PRRC2C: variants seen among roughly 807,000 people sequenced by gnomAD.
The protein encoded by PRRC2C is protein PRRC2C.
A neutral mutation model predicts 317.2 loss-of-function variants in PRRC2C; 72 were observed. That is an observed-to-expected ratio of 0.23 (90% CI 0.19 to 0.28). The LOEUF is 0.28. PRRC2C is among the 10% of genes least tolerant of loss of function. PRRC2C has a pLI of 1.00. For synonymous variants in PRRC2C, 1,296 were observed against 1,205.9 expected, an observed-to-expected ratio of 1.07 and a Z score of -1.55; for missense variants, 3,074 against 3,459.7, an observed-to-expected ratio of 0.89 and a Z score of 2.80.
At chr1:171,529,619 ATTGGAGTGG>A (rs1675391335) in intron 11 of PRRC2C, among the ~76,000 whole-genome samples, 3 of 152,134 alleles carry the variant, frequency 2.0e-5, no homozygotes, top group Admixed American at 2.0e-4. Flanking sequence ...CCTTTGAACT[ATTGGAGTGG>A]GTTCTTGACA....
chr1:171,494,595 A>C (rs747485209), intron 1 of PRRC2C, among the ~76,000 whole-genome samples: 1 of 152,160 alleles, frequency 6.6e-6, no homozygotes, highest in African/African-American at 2.4e-5. Flanking sequence ...TGACAGGCTT[A>C]CCTTGCTTTT....
chr1:171,485,822 C>T (rs893841478), intron 1 of PRRC2C, 87 bp downstream of exon 1: 1 of 152,176 alleles, frequency 6.6e-6, no homozygotes, highest in Non-Finnish European at 1.5e-5. Context: ...GGGAGCGCAC[C>T]CAGACCCTGG....
rs1039864477 is a variant in PRRC2C at position 171,571,421 on chromosome 1, G to A, written c.6753G>A (p.Lys2251=). 1 of 1,580,530 alleles carries A rather than the reference G, an allele frequency of 6.3e-7. No homozygotes were observed. Residue 2251 remains lysine (K), a splice_region_variant and synonymous_variant, in exon 24 of 35, where the codon AAG becomes AAA. Coordinates refer to ENST00000647382, the MANE Select transcript of PRRC2C (RefSeq NM_001387844.1). ...VPPTTFSLTF[K]MESARKAWEN... is the part of the protein sequence containing the mutation. Reference sequence around the variant, plus strand: ...CCACTACTTTCAGCCTCACCTTCAAGGTATGTACAACATCCATCTCTAAGA... The same window carrying A: ...CCACTACTTTCAGCCTCACCTTCAAAGTATGTACAACATCCATCTCTAAGA...
intron 6 of PRRC2C, 99 bp downstream of exon 6, chr1:171,517,913 A>G: frequency 1.1e-6 from 1 of 943,818 alleles, no homozygotes; most frequent in Non-Finnish European, 1.6e-6. Context: ...CTTTGTTTTC[A>G]TTAACATCTA....
rs1682626458 is a variant in PRRC2C, at chr1:171,561,190, C to T, written c.6117+87C>T. The T allele has an allele frequency of 2.3e-6, 3 of 1,283,898 alleles. No homozygotes were observed. In the East Asian group the frequency reaches 7.0e-5, roughly 30 times the overall value. 79.5% of individuals were successfully genotyped at this position (1,283,898 alleles called of 1,614,324 possible). On this transcript the variant is annotated intron_variant, in intron 20 of 34. Coordinates refer to ENST00000647382, the MANE Select transcript of PRRC2C (RefSeq NM_001387844.1). Reference sequence around the variant, plus strand: ...GGGTGTGGTGGCTTACACCTGTAATCCTAGCGTGGTGGGAGGGTTACTTGA... The same window carrying T: ...GGGTGTGGTGGCTTACACCTGTAATTCTAGCGTGGTGGGAGGGTTACTTGA...
intron 1 of PRRC2C, among the ~76,000 whole-genome samples, chr1:171,500,517 C>T (rs1668897780): frequency 1.3e-5 from 2 of 152,130 alleles, no homozygotes; most frequent in African/African-American, 4.8e-5. Flanking sequence ...CTGCCTCAGC[C>T]TCTTAAGTAG....
chr1:171,545,686 A>G lies in PRRC2C; in HGVS notation c.4971A>G (p.Ala1657=), dbSNP rs752731667. 1 of 1,515,330 alleles carries G rather than the reference A, an allele frequency of 6.6e-7. No individual in the cohort carries two copies. The highest frequency in any genetic ancestry group is 1.9e-5 in the Admixed American group (1 of 51,990). 93.9% of individuals were successfully genotyped at this position (1,515,330 alleles called of 1,614,324 possible). The change falls in exon 17 of 35, where the codon GCA becomes GCG. Residue 1657 remains alanine, a splice_region_variant and synonymous_variant. Transcript: ENST00000647382. ...ALSQFDLNNY[A]SVVIIDDHPE... is the part of the protein sequence containing the mutation. The stretch of plus-strand genomic sequence containing the variant: ...CACAGTTTGATCTCAACAATTATGC[A>G]AGTATGTCTTAGGTTTCTTTCATTT...
intron 24 of PRRC2C, 112 bp from the exon 25 acceptor site, chr1:171,574,815 G>A: frequency 4.2e-6 from 4 of 962,558 alleles, no homozygotes; most frequent in Non-Finnish European, 4.7e-6. Context: ...CTTTGTGTGT[G>A]TGTGGTTTTT....
intron 12 of PRRC2C, among the ~76,000 whole-genome samples, chr1:171,534,507 T>A (rs1025422961): frequency 6.6e-6 from 1 of 152,158 alleles, no homozygotes; most frequent in African/African-American, 2.4e-5. Flanking sequence ...ACACATACAA[T>A]TTTTTTGTTT....
At chr1:171,537,187 T>C (rs1189389108) in intron 14 of PRRC2C, 76 bp from the exon 15 acceptor site, 3 of 1,146,454 alleles carry the variant, frequency 2.6e-6, no homozygotes, top group Non-Finnish European at 3.8e-6. Context: ...ATAACCTGTA[T>C]TCTATGTCTA....
intron 11 of PRRC2C, among the ~76,000 whole-genome samples, chr1:171,530,552 G>A (rs952255143): frequency 3.3e-5 from 5 of 151,782 alleles, no homozygotes; most frequent in East Asian, 1.9e-4. Flanking sequence ...AGCCTGGGCC[G>A]TATTTTTATT....
At chr1:171,539,436 A>G (rs1423649609) in intron 15 of PRRC2C, among the ~76,000 whole-genome samples, 1 of 152,166 alleles carries the variant, frequency 6.6e-6, no homozygotes, top group African/African-American at 2.4e-5. Flanking sequence ...ACTTTTTTTT[A>G]TCTTGCATGA....
intron 6 of PRRC2C, among the ~76,000 whole-genome samples, chr1:171,519,604 G>T (rs1365404787): frequency 6.6e-6 from 1 of 151,420 alleles, no homozygotes; most frequent in Non-Finnish European, 1.5e-5. Context: ...TAGATTTGGT[G>T]TCCTCATTCT....
intron 23 of PRRC2C, among the ~76,000 whole-genome samples, chr1:171,569,593 T>TATATATATATATATA (rs1558024214): frequency 7.7e-6 from 1 of 130,638 alleles, no homozygotes; most frequent in African/African-American, 2.8e-5. Context: ...TATATATATA[T>TATATATATATATATA]GGTTTTTTTT....
intron 30 of PRRC2C, among the ~76,000 whole-genome samples, chr1:171,584,784 AG>A (rs1455381247): frequency 2.6e-5 from 4 of 151,862 alleles, no homozygotes; most frequent in African/African-American, 9.7e-5. Flanking sequence ...TTGTTGGTTT[AG>A]GGGGTTTTGT....
Position 171,540,349 on chromosome 1 carries a change from A to G in PRRC2C, c.2883A>G (p.Pro961=), listed in dbSNP as rs943351813. The G allele has an allele frequency of 1.2e-6, 2 of 1,613,072 alleles. No individual in the cohort carries two copies. Among genetic ancestry groups the G allele is most frequent in the African/African-American group, 2.7e-5 (2 of 74,832 alleles). The change falls in exon 16 of 35, where the codon CCA becomes CCG. Residue 961 remains proline (P), a synonymous_variant. Transcript: ENST00000647382. ...VTSRCIDSKE[P]IERPEEKPKK... The stretch of plus-strand genomic sequence containing the variant: ...GCAGATGCATTGATTCAAAAGAACC[A>G]ATAGAAAGGCCAGAGGAGAAACCAA...
intron 18 of PRRC2C, among the ~76,000 whole-genome samples, chr1:171,555,704 T>C (rs528188117): frequency 4.0e-4 from 61 of 152,232 alleles, no homozygotes; most frequent in Non-Finnish European, 7.8e-4. Context: ...TTGTTAGTTT[T>C]CCTTCTAACA....
intron 1 of PRRC2C, among the ~76,000 whole-genome samples, chr1:171,500,959 C>G (rs1390899028): frequency 6.6e-6 from 1 of 152,220 alleles, no homozygotes; most frequent in East Asian, 1.9e-4. Context: ...AGTGCAGTGG[C>G]GCCATCATGG....
intron 18 of PRRC2C, among the ~76,000 whole-genome samples, chr1:171,556,622 T>G (rs1681478302): frequency 1.3e-5 from 2 of 152,232 alleles, no homozygotes; most frequent in South Asian, 4.1e-4. Context: ...AGGGACACCT[T>G]ATTTGCCCCA....
Sources: allele counts gnomAD v4.1 joint callset (sites outside exome capture counted in the v4.1 genomes callset), GRCh38; gene constraint gnomAD v4.1.1; transcripts MANE v1.5; gene names NCBI Gene and HGNC (gene_info 2026-07-23, HGNC 2026-07-21).